IQCF1: variants seen among roughly 807,000 people sequenced by gnomAD.
IQCF1 encodes IQ domain-containing protein F1.
In IQCF1, 9 loss-of-function variants were observed where a neutral mutation model predicts 12.5. That is an observed-to-expected ratio of 0.72 (90% CI 0.43 to 1.26). The LOEUF is 1.26. IQCF1 is among the 50% of genes most tolerant of loss of function. The pLI, the probability that IQCF1 is intolerant of heterozygous loss-of-function variation, is 0.00. For missense variants in IQCF1, 252 were observed against 257.4 expected (o/e 0.98, Z 0.14); for synonymous variants, 67 against 96.2 (o/e 0.70, Z 1.78).
chr3:51,901,684 T>C (rs546772996), intron 2 of IQCF1, among the ~76,000 whole-genome samples: 13 of 152,218 alleles, frequency 8.5e-5, no homozygotes, highest in East Asian at 3.8e-4. Flanking sequence ...TTAAATGCAA[T>C]TGGAGTCTAG....
chr3:51,896,701 ACACACACACACG>A, intron 3 of IQCF1, 119 bp downstream of exon 3: 2 of 722,996 alleles, frequency 2.8e-6, no homozygotes, highest in Non-Finnish European at 5.1e-6. Flanking sequence ...GCGCGCACAC[ACACACACACACG>A]CACACACACA....
chr3:51,901,387 G>A (rs1405510462), intron 2 of IQCF1, among the ~76,000 whole-genome samples: 3 of 152,212 alleles, frequency 2.0e-5, no homozygotes, highest in Non-Finnish European at 4.4e-5. Flanking sequence ...TGTCTCTCAC[G>A]ACAGGGAGGA....
intron 2 of IQCF1, among the ~76,000 whole-genome samples, chr3:51,898,241 A>G (rs979109462): frequency 1.1e-5 from 1 of 93,468 alleles, no homozygotes; most frequent in African/African-American, 4.4e-5. Context: ...AGAGACAGAA[A>G]GACAAAGAGG....
intron 2 of IQCF1, among the ~76,000 whole-genome samples, chr3:51,899,208 G>A (rs997705160): frequency 1.3e-5 from 2 of 152,036 alleles, no homozygotes; most frequent in East Asian, 3.9e-4. Context: ...AAAAGGGGGT[G>A]GGGGGAGAAT....
At position 51,900,677 on chromosome 3, in the gene IQCF1, C is replaced by T. The variant is rs910917794; in HGVS notation, c.108+2308G>A. 2.0e-5 allele frequency among the ~76,000 whole-genome samples: 3 copies of T among 152,196 alleles called. No homozygotes were observed. Among genetic ancestry groups the T allele is most frequent in the Non-Finnish European group, 4.4e-5 (3 of 68,038 alleles). On this transcript the variant is annotated intron_variant, in intron 2 of 3. Coordinates refer to ENST00000310914, the MANE Select transcript of IQCF1 (RefSeq NM_152397.3). The surrounding 1 kb of genome is among the most constrained non-coding windows in gnomAD (Gnocchi z 4.2). ...AGTTGGTCCAGGGTTCTGTGGACCACTAAAGAGCAAGGATGGACTGCCCCA... is the reference window on the plus strand; with the variant it reads ...AGTTGGTCCAGGGTTCTGTGGACCATTAAAGAGCAAGGATGGACTGCCCCA...
chr3:51,903,214 C>A (rs1699100443), intron 1 of IQCF1, 56 bp downstream of exon 1: 4 of 1,609,780 alleles, frequency 2.5e-6, no homozygotes, highest in Non-Finnish European at 2.6e-6. Context: ...TCCCTTCACC[C>A]TGAGAGATCT....
At position 51,894,944 on chromosome 3, in the gene IQCF1, C is replaced by T. The variant is rs1369701132; in HGVS notation, c.564G>A (p.Leu188=). 6.2e-7 allele frequency: 1 copy of T among 1,614,168 alleles called. No individual in the cohort carries two copies. Among genetic ancestry groups the T allele is most frequent in the Admixed American group, 1.7e-5 (1 of 60,024 alleles). The change falls in exon 4 of 4, where the codon CTG becomes CTA. Residue 188 remains leucine, a synonymous_variant. Coordinates refer to ENST00000310914, the MANE Select transcript of IQCF1 (RefSeq NM_152397.3). ...CTGTCACAATGCAAGGCCCTGAGTCCAGCAAGATCTCCAGCTGGAGATGCA... is the reference window on the plus strand; with the variant it reads ...CTGTCACAATGCAAGGCCCTGAGTCTAGCAAGATCTCCAGCTGGAGATGCA... The part of the protein sequence containing the change: ...NQLHLQLEIL[L]DSGPCIVTEC...
At chr3:51,901,626 C>T (rs1253449420) in intron 2 of IQCF1, among the ~76,000 whole-genome samples, 2 of 152,142 alleles carry the variant, frequency 1.3e-5, no homozygotes, top group African/African-American at 2.4e-5. Context: ...AATAAGACAT[C>T]GTAAAGTGAG....
Position 51,900,679 on chromosome 3 carries a change from A to G in IQCF1, c.108+2306T>C, listed in dbSNP as rs1225652247. On this transcript the variant is annotated intron_variant, in intron 2 of 3. Transcript: ENST00000310914. This position sits in a 1 kb window ranked among gnomAD's most constrained non-coding sequence, Gnocchi z 4.2. ...TTGGTCCAGGGTTCTGTGGACCACTAAAGAGCAAGGATGGACTGCCCCAAC... is the reference window on the plus strand; with the variant it reads ...TTGGTCCAGGGTTCTGTGGACCACTGAAGAGCAAGGATGGACTGCCCCAAC... 6.6e-6 allele frequency among the ~76,000 whole-genome samples: 1 copy of G among 152,186 alleles called. No homozygotes were observed. Among genetic ancestry groups the G allele is most frequent in the Admixed American group, 6.5e-5 (1 of 15,280 alleles).
In IQCF1 at chr3:51,895,966, G is replaced by GA. The variant is rs768009923; in HGVS notation, c.172-631dup. On this transcript the variant is annotated intron_variant, in intron 3 of 3. Coordinates refer to ENST00000310914, the MANE Select transcript of IQCF1 (RefSeq NM_152397.3). This position sits in a 1 kb window ranked among gnomAD's most constrained non-coding sequence, Gnocchi z 4.8. ...TGGCATAACATTACCAGACAAGGAA[G>GA]AAAAATATTTTATCCCAAAACATGT... Among the ~76,000 whole-genome samples, 22 of 152,254 alleles carry GA rather than the reference G, an allele frequency of 1.4e-4. No homozygotes were observed. Among genetic ancestry groups the GA allele is most frequent in the Admixed American group, 5.2e-4 (8 of 15,290 alleles).
Position 51,895,988 on chromosome 3 carries a change from A to T in IQCF1, c.172-652T>A, listed in dbSNP as rs760680679. On this transcript the variant is annotated intron_variant, in intron 3 of 3. Transcript: ENST00000310914. This position sits in a 1 kb window ranked among gnomAD's most constrained non-coding sequence, Gnocchi z 4.8. ...GAAGAAAAATATTTTATCCCAAAACATGTTTCTCTGCCATATTTTGAAATG... is the reference window on the plus strand; with the variant it reads ...GAAGAAAAATATTTTATCCCAAAACTTGTTTCTCTGCCATATTTTGAAATG... 6.6e-6 allele frequency among the ~76,000 whole-genome samples: 1 copy of T among 152,136 alleles called. No homozygotes were observed. Among genetic ancestry groups the T allele is most frequent in the Non-Finnish European group, 1.5e-5 (1 of 68,024 alleles).
At chr3:51,901,657 T>G (rs1699077171) in intron 2 of IQCF1, among the ~76,000 whole-genome samples, 1 of 152,240 alleles carries the variant, frequency 6.6e-6, no homozygotes, top group African/African-American at 2.4e-5. Context: ...TATGGGTCTT[T>G]TGACTCTCAC....
intron 1 of IQCF1, 54 bp downstream of exon 1, chr3:51,903,216 G>C: frequency 6.2e-7 from 1 of 1,608,880 alleles, no homozygotes; most frequent in Non-Finnish European, 8.5e-7. Flanking sequence ...CCTTCACCCT[G>C]AGAGATCTAT....
chr3:51,902,323 G>A (rs1393457914), intron 2 of IQCF1, among the ~76,000 whole-genome samples: 1 of 152,172 alleles, frequency 6.6e-6, no homozygotes, highest in Non-Finnish European at 1.5e-5. Flanking sequence ...GCCAAGACAT[G>A]TTAAAGAAGT....
chr3:51,898,815 A>G (rs1699043547), intron 2 of IQCF1, among the ~76,000 whole-genome samples: 1 of 152,206 alleles, frequency 6.6e-6, no homozygotes, highest in Non-Finnish European at 1.5e-5. Flanking sequence ...AGGATGATAG[A>G]TGGTTCCTCC....
chr3:51,896,662 AGCACATATACAT>A (rs1386996196), intron 3 of IQCF1, among the ~76,000 whole-genome samples, 158 bp downstream of exon 3: 15 of 152,052 alleles, frequency 9.9e-5, no homozygotes, highest in African/African-American at 3.4e-4. Context: ...TTAATTTACA[AGCACATATACAT>A]GCACAAGCTC....
In IQCF1 at chr3:51,900,983, A is replaced by G. The variant is rs764276227; in HGVS notation, c.108+2002T>C. ...TAAGCCTTCTTCCAAAACCTCTCAC[A>G]TGGAACAATTGCTCCTCCTCCATCT... is the stretch of plus-strand genomic sequence containing the variant. On this transcript the variant is annotated intron_variant, in intron 2 of 3. Transcript: ENST00000310914. This position sits in a 1 kb window ranked among gnomAD's most constrained non-coding sequence, Gnocchi z 4.2. Among the ~76,000 whole-genome samples, 4 of 152,196 alleles carry G rather than the reference A, an allele frequency of 2.6e-5. No individual in the cohort carries two copies. The highest frequency in any genetic ancestry group is 3.9e-4 in the East Asian group (2 of 5,188).
intron 2 of IQCF1, among the ~76,000 whole-genome samples, chr3:51,899,443 A>T (rs914879294): frequency 6.6e-6 from 1 of 152,246 alleles, no homozygotes; most frequent in Non-Finnish European, 1.5e-5. Flanking sequence ...GAAACAGTTT[A>T]TGTGCAAGGT....
At chr3:51,898,488 C>T (rs1577636158) in intron 2 of IQCF1, among the ~76,000 whole-genome samples, 1 of 152,174 alleles carries the variant, frequency 6.6e-6, no homozygotes, top group African/African-American at 2.4e-5. Flanking sequence ...ATCCAGTAAC[C>T]TGAGGGTGGC....
Sources: gnomAD v4.1 joint callset for allele counts (sites outside exome capture counted in the v4.1 genomes callset) on GRCh38, gnomAD v4.1.1 for gene constraint, Gnocchi (gnomAD v3.1) non-coding constraint, MANE v1.5 for transcripts, NCBI Gene and HGNC (gene_info 2026-07-23, HGNC 2026-07-21) for gene names.